Variants in CORO1A observed in about 807,000 individuals in gnomAD.
CORO1A encodes the protein coronin-1A.
A neutral mutation model predicts 44.1 loss-of-function variants in CORO1A; 17 were observed. That is an observed-to-expected ratio of 0.39 (90% confidence interval 0.26 to 0.58). CORO1A has a LOEUF of 0.58. Ranked by LOEUF, CORO1A falls within the 20% of genes least tolerant of loss-of-function variation. The probability of loss-of-function intolerance (pLI) is 0.62; values close to 1 mark genes in which losing one functional copy is unlikely to be tolerated. For synonymous variants in CORO1A, 271 were observed against 244.2 expected, an observed-to-expected ratio of 1.11 and a Z score of -1.02; for missense variants, 415 against 606.5, an observed-to-expected ratio of 0.68 and a Z score of 3.32.
Position 30,188,560 on chromosome 16 carries a change from G to A in CORO1A, c.1265G>A (p.Ser422Asn). Reference sequence around the variant, plus strand: ...CGCAGGAGGGCAGCACCAGAGGCCAGTGGCACTCCCAGCTCGGTGAGAGGG... The same window carrying A: ...CGCAGGAGGGCAGCACCAGAGGCCAATGGCACTCCCAGCTCGGTGAGAGGG... ...TGRRRAAPEASGTPSSDAVSR... is the reference protein window; with the variant it reads ...TGRRRAAPEANGTPSSDAVSR... Residue 422 changes from serine (S) to asparagine (N), a missense_variant, in exon 10 of 11, where the codon AGT becomes AAT. Ser to Asn is a conservative substitution (Grantham distance 46). Around this residue, in one of 2 missense-constraint regions of CORO1A, gnomAD observed 90 missense variants for 84.7 expected, o/e 1.06. Transcript: ENST00000219150. 1.9e-6 allele frequency: 3 copies of A among 1,607,586 alleles called. No homozygotes were observed. The highest frequency in any genetic ancestry group is 2.5e-6 in the Non-Finnish European group (3 of 1,178,008).
chr16:30,187,251 A>G (rs2073350490), intron 5 of CORO1A, 28 bp downstream of exon 5: 2 of 1,607,848 alleles, frequency 1.2e-6, no homozygotes, highest in Non-Finnish European at 1.7e-6. Context: ...CTGACCTTTG[A>G]CCCTACAGCC....
chr16:30,188,314 T>C (rs1423469228), intron 9 of CORO1A, 47 bp from the exon 10 acceptor site: 1 of 1,611,446 alleles, frequency 6.2e-7, no homozygotes, highest in Non-Finnish European at 8.5e-7. Context: ...TTGTGGGGGG[T>C]GTCCTGGCAT....
chr16:30,187,336 T>C (rs755978477), intron 5 of CORO1A, 46 bp from the exon 6 acceptor site: 3 of 1,607,208 alleles, frequency 1.9e-6, no homozygotes, highest in Admixed American at 1.7e-5. Context: ...ACTGGCCCCG[T>C]AGGGTATGTA....
Position 30,185,235 on chromosome 16 carries a change from G to T in CORO1A, c.26G>T (p.Ser9Ile). The stretch of plus-strand genomic sequence containing the variant: ...ATGAGCCGGCAGGTGGTCCGCTCCA[G>T]CAAGTTCCGCCACGTGTTTGGACAG... MSRQVVRS[S>I]KFRHVFGQPA... The change falls in exon 2 of 11, where the codon AGC becomes ATC. Residue 9 changes from serine (S) to isoleucine (I), a missense_variant. Physicochemically the swap from Ser to Ile is moderately radical, Grantham distance 142 (BLOSUM62 -2). Around this residue, in one of 2 missense-constraint regions of CORO1A, gnomAD observed 325 missense variants for 521.7 expected, o/e 0.62. Coordinates refer to ENST00000219150, the MANE Select transcript of CORO1A (RefSeq NM_007074.4). The T allele has an allele frequency of 6.2e-7, 1 of 1,614,170 alleles. No homozygotes were observed. The highest frequency in any genetic ancestry group is 8.5e-7 in the Non-Finnish European group (1 of 1,180,016).
At chr16:30,187,645 G>C (rs767135347) in intron 6 of CORO1A, 80 bp from the exon 7 acceptor site, 1 of 1,471,366 alleles carries the variant, frequency 6.8e-7, no homozygotes, top group Admixed American at 1.7e-5. Context: ...CTGGTTGGTC[G>C]GGAGGGCCCT....
At position 30,188,173 on chromosome 16, in the gene CORO1A, C is replaced by T. The variant is rs2090808302; in HGVS notation, c.1008-19C>T. On this transcript the variant is annotated intron_variant, in intron 8 of 10. Coordinates refer to ENST00000219150, the MANE Select transcript of CORO1A (RefSeq NM_007074.4). ...ACCCAACCAGACTGTGGGCCCCGCT[C>T]ACCTTCCCCTTCCCACAGGTTCTAC... is the stretch of plus-strand genomic sequence containing the variant. 4.3e-6 allele frequency: 7 copies of T among 1,613,960 alleles called. No homozygotes were observed. Among genetic ancestry groups the T allele is most frequent in the Non-Finnish European group, 5.9e-6 (7 of 1,179,994 alleles).
chr16:30,185,884 C>T (rs962654306), intron 2 of CORO1A: 7 of 219,894 alleles, frequency 3.2e-5, no homozygotes, highest in Non-Finnish European at 6.5e-5. Flanking sequence ...AGCCTGCTGC[C>T]CCCTCCGCTG....
At chr16:30,185,511 G>A (rs369699785) in intron 2 of CORO1A, 104 bp downstream of exon 2, 3 of 1,029,294 alleles carry the variant, frequency 2.9e-6, no homozygotes. Context: ...GGCCTGTGTT[G>A]CCATCTGGAA....
chr16:30,187,185 G>C lies in CORO1A; in HGVS notation c.598G>C (p.Val200Leu). ...TTGTACCTCCTGCCGTGACAAGCGC[G>C]TGCGCATCATCGAGCCCCGCAAAGG... ...LICTSCRDKR[V>L]RIIEPRKGTV... The change falls in exon 5 of 11, where the codon GTG (valine) becomes CTG (leucine). Residue 200 changes from valine (V) to leucine (L), a missense_variant. Transcript: ENST00000219150. The C allele has an allele frequency of 6.2e-7, 1 of 1,613,600 alleles. No individual in the cohort carries two copies. The highest frequency in any genetic ancestry group is 8.5e-7 in the Non-Finnish European group (1 of 1,180,020).
rs376818272 is a variant in CORO1A at position 30,188,351 on chromosome 16, T to A, written c.1066-10T>A. On this transcript the variant is annotated splice_polypyrimidine_tract_variant and intron_variant, in intron 9 of 10. Coordinates refer to ENST00000219150, the MANE Select transcript of CORO1A (RefSeq NM_007074.4). ...AGCGCTTTCCTCACTATCCCTGGCC[T>A]TGCCCACAGTCGGACCTGTTCCAGG... is the stretch of plus-strand genomic sequence containing the variant. 86 of 1,613,662 alleles carry A rather than the reference T, an allele frequency of 5.3e-5. No individual in the cohort carries two copies. The highest frequency in any genetic ancestry group is 6.3e-5 in the Non-Finnish European group (74 of 1,179,872).
In CORO1A at chr16:30,188,211, C is replaced by A. The variant is rs112289496; in HGVS notation, c.1027C>A (p.Arg343=). The A allele has an allele frequency of 6.2e-7, 1 of 1,614,120 alleles. No individual in the cohort carries two copies. The highest frequency in any genetic ancestry group is 2.2e-5 in the East Asian group (1 of 44,882). The part of the protein sequence containing the change: ...EIARFYKLHE[R]RCEPIAMTVP... ...CCACAGGTTCTACAAGCTGCACGAG[C>A]GGAGGTGTGAGCCCATTGCCATGAC... is the stretch of plus-strand genomic sequence containing the variant. Residue 343 remains arginine (R), a synonymous_variant, in exon 9 of 11, where the codon CGG becomes AGG. Transcript: ENST00000219150.
Position 30,185,397 on chromosome 16 carries a change from C to G in CORO1A, c.188C>G (p.Pro63Arg). ...ASGGGAFLVL[P>R]LGKTGRVDKN... ...GGGGGAGGGGCCTTCCTGGTGCTGC[C>G]CCTGGGCAAGGTGAGCCCCTGGGGC... Residue 63 changes from proline (P) to arginine (R), a missense_variant, in exon 2 of 11, where the codon CCC becomes CGC. By Grantham distance (103) the Pro-to-Arg change is moderately radical. Coordinates refer to ENST00000219150, the MANE Select transcript of CORO1A (RefSeq NM_007074.4). The G allele has an allele frequency of 6.2e-7, 1 of 1,613,520 alleles. No homozygotes were observed. Among genetic ancestry groups the G allele is most frequent in the Non-Finnish European group, 8.5e-7 (1 of 1,179,986 alleles).
rs757631851 is a variant in CORO1A, at chr16:30,188,005, A to C, written c.925A>C (p.Met309Leu). 11 of 1,613,748 alleles carry C rather than the reference A, an allele frequency of 6.8e-6. No homozygotes were observed. Among genetic ancestry groups the C allele is most frequent in the Non-Finnish European group, 9.3e-6 (11 of 1,179,838 alleles). Residue 309 changes from methionine (M) to leucine (L), a missense_variant, in exon 8 of 11, where the codon ATG becomes CTG. This residue lies in a region of CORO1A where 325 missense variants were observed against 521.7 expected (regional missense o/e 0.62). Coordinates refer to ENST00000219150, the MANE Select transcript of CORO1A (RefSeq NM_007074.4). ...SEAPFLHYLS[M>L]FSSKESQRGM... The stretch of plus-strand genomic sequence containing the variant: ...GGCCCCTTTCCTGCACTATCTCTCC[A>C]TGTTCAGTTCCAAGGAGTCCCAGCG...
Position 30,187,471 on chromosome 16 carries a change from G to A in CORO1A, c.726G>A (p.Met242Ile), listed in dbSNP as rs1219658734. The change falls in exon 6 of 11, where the codon ATG becomes ATA. Residue 242 changes from methionine to isoleucine, a missense_variant. Around this residue, in one of 2 missense-constraint regions of CORO1A, gnomAD observed 325 missense variants for 521.7 expected, o/e 0.62. Coordinates refer to ENST00000219150, the MANE Select transcript of CORO1A (RefSeq NM_007074.4). Reference protein sequence around the residue: ...GKILTTGFSRMSERQVALWDT... With the variant: ...GKILTTGFSRISERQVALWDT... ...TCCTGACCACGGGCTTCAGCCGCAT[G>A]AGTGAGCGGCAGGTGGCGCTGTGGG... 3 of 1,608,144 alleles carry A rather than the reference G, an allele frequency of 1.9e-6. No homozygotes were observed. The highest frequency in any genetic ancestry group is 2.7e-5 in the African/African-American group (2 of 74,944).
rs1405595805 is a variant in CORO1A, at chr16:30,188,451, G to A, written c.1156G>A (p.Gly386Arg). 2.5e-6 allele frequency: 4 copies of A among 1,613,286 alleles called. No individual in the cohort carries two copies. The highest frequency in any genetic ancestry group is 2.7e-5 in the African/African-American group (2 of 74,910). The change falls in exon 10 of 11, where the codon GGG becomes AGG. Residue 386 changes from glycine to arginine, a missense_variant. This residue lies in a region of CORO1A where 90 missense variants were observed against 84.7 expected (regional missense o/e 1.06). Coordinates refer to ENST00000219150, the MANE Select transcript of CORO1A (RefSeq NM_007074.4). ...AEEWLGGRDA[G>R]PLLISLKDGY... ...GGAGTGGCTGGGGGGTCGGGATGCT[G>A]GGCCCCTCCTCATCTCCCTCAAGGA...
Position 30,185,199 on chromosome 16 carries a change from G to A in CORO1A, c.-1-10G>A, listed in dbSNP as rs2073319502. ...GAAGGGAGAAATGCTCTTATGCTGT[G>A]TGCCCCCAGAATGAGCCGGCAGGTG... is the stretch of plus-strand genomic sequence containing the variant. On this transcript the variant is annotated splice_polypyrimidine_tract_variant and intron_variant, in intron 1 of 10. Coordinates refer to ENST00000219150, the MANE Select transcript of CORO1A (RefSeq NM_007074.4). The A allele has an allele frequency of 1.2e-6, 2 of 1,613,882 alleles. No homozygotes were observed. Among genetic ancestry groups the A allele is most frequent in the African/African-American group, 1.3e-5 (1 of 75,054 alleles).
At chr16:30,187,636 T>A (rs2073357249) in intron 6 of CORO1A, 89 bp from the exon 7 acceptor site, 1 of 1,482,912 alleles carries the variant, frequency 6.7e-7, no homozygotes, top group Non-Finnish European at 9.3e-7. Flanking sequence ...TTGTTCCCAC[T>A]GGTTGGTCGG....
intron 7 of CORO1A, 36 bp downstream of exon 7, chr16:30,187,865 G>GGGGGGGGGGGGGGGGCC: frequency 1.9e-6 from 1 of 513,330 alleles, no homozygotes; most frequent in Non-Finnish European, 3.6e-6. Context: ...TGGGAGGTGG[G>GGGGGGGGGGGGGGGGCC]CAGGATGGGC....
At chr16:30,185,909 C>T (rs1180665276) in intron 2 of CORO1A, 5 of 215,342 alleles carry the variant, frequency 2.3e-5, no homozygotes, top group South Asian at 6.6e-5. Context: ...GCTGCTGCCC[C>T]GCACCCCCAG....
Sources: gnomAD v4.1 joint callset for allele counts on GRCh38, gnomAD v4.1.1 for gene constraint, gnomAD v4.1.1 regional missense constraint, MANE v1.5 for transcripts, NCBI Gene and HGNC (gene_info 2026-07-23, HGNC 2026-07-21) for gene names.